The following MCTP1 variants were observed in gnomAD, a reference collection of about 807,000 sequenced individuals.
MCTP1 encodes multiple C2 and transmembrane domain-containing protein 1.
MCTP1 carries 69 observed loss-of-function variants against 120.6 expected under a neutral mutation model. The observed-to-expected ratio is 0.57, with a 90% CI of 0.47 to 0.70. The LOEUF (loss-of-function observed/expected upper bound fraction) is 0.70. MCTP1 is among the 30% of genes least tolerant of loss of function. The pLI is 0.00. For synonymous variants in MCTP1, 529 were observed against 493.1 expected, an observed-to-expected ratio of 1.07 and a Z score of -0.96; for missense variants, 1,203 against 1,248.8, an observed-to-expected ratio of 0.96 and a Z score of 0.55.
chr5:94,865,806 C>A (rs1383837511), intron 17 of MCTP1, among the ~76,000 whole-genome samples: 2 of 151,850 alleles, frequency 1.3e-5, no homozygotes, highest in African/African-American at 4.8e-5. Context: ...AGCTACTTAA[C>A]CTTTCTGTGC....
At chr5:94,857,977 C>T (rs901803664) in intron 17 of MCTP1, among the ~76,000 whole-genome samples, 2 of 151,586 alleles carry the variant, frequency 1.3e-5, no homozygotes, top group Non-Finnish European at 3.0e-5. Context: ...AGAAAGACAG[C>T]GATACAATGA....
chr5:94,931,371 T>G (rs2153479565), intron 6 of MCTP1: 1 of 152,250 alleles, frequency 6.6e-6, no homozygotes, highest in Admixed American at 6.5e-5. Flanking sequence ...AGTGGCAGCA[T>G]CACTGAACAA....
intron 17 of MCTP1, among the ~76,000 whole-genome samples, chr5:94,811,375 T>C (rs891882935): frequency 4.6e-5 from 7 of 152,212 alleles, no homozygotes; most frequent in Non-Finnish European, 8.8e-5. Flanking sequence ...TGTGTTTCAA[T>C]GGTAACAGAA....
chr5:94,954,035 A>AAT lies in MCTP1; in HGVS notation c.839-676_839-675dup, dbSNP rs68145010. 3.3e-4 allele frequency among the ~76,000 whole-genome samples: 17 copies of AAT among 51,140 alleles called. 2 individuals are homozygous for AAT. The South Asian group carries it at 7.5e-3, about 22-fold the overall frequency. 33.5% of individuals were successfully genotyped at this position (51,140 alleles called of 152,430 possible). On this transcript the variant is annotated intron_variant, in intron 2 of 22. Transcript: ENST00000515393. ...ACAAATATATATGCATATATATACA[A>AAT]ATATATATATGCATATATATACAAA...
At chr5:95,166,917 C>CTT (rs386404479) in intron 1 of MCTP1, among the ~76,000 whole-genome samples, 38,059 of 137,518 alleles carry the variant, frequency 0.28, 5,724 homozygotes, top group East Asian at 0.58. Flanking sequence ...CCTTTCTATT[C>CTT]TTTTTTTTTT....
intron 17 of MCTP1, chr5:94,825,834 T>C (rs560655367): frequency 8.8e-5 from 15 of 169,710 alleles, no homozygotes; most frequent in Non-Finnish European, 1.9e-4. Flanking sequence ...CTTACCATTA[T>C]GTAATGCCCT....
In MCTP1 at chr5:95,082,161, G is replaced by A. The variant is rs192095513; in HGVS notation, c.721-64677C>T. 2.8e-4 allele frequency among the ~76,000 whole-genome samples: 43 copies of A among 152,270 alleles called. No individual in the cohort carries two copies. The East Asian group carries it at 6.6e-3, about 23-fold the overall frequency. Reference sequence around the variant, plus strand: ...AAATAGATCTTCGTGCTTTGCTGTTGCTGTTTCCCACAGAAATCCTTTCCT... The same window carrying A: ...AAATAGATCTTCGTGCTTTGCTGTTACTGTTTCCCACAGAAATCCTTTCCT... On this transcript the variant is annotated intron_variant, in intron 1 of 22. Coordinates refer to ENST00000515393, the MANE Select transcript of MCTP1 (RefSeq NM_024717.7).
At chr5:95,254,853 T>G (rs985136059) in intron 1 of MCTP1, among the ~76,000 whole-genome samples, 1 of 152,210 alleles carries the variant, frequency 6.6e-6, no homozygotes, top group Non-Finnish European at 1.5e-5. Flanking sequence ...ATTGTTATAC[T>G]AATTTGTATA....
At chr5:94,777,154 T>C (rs974105017) in intron 19 of MCTP1, among the ~76,000 whole-genome samples, 1 of 152,194 alleles carries the variant, frequency 6.6e-6, no homozygotes, top group African/African-American at 2.4e-5. Context: ...CTTGTCGGCA[T>C]CCTGTACAGA....
intron 19 of MCTP1, among the ~76,000 whole-genome samples, chr5:94,768,695 C>T (rs1235764236): frequency 1.3e-5 from 2 of 152,050 alleles, no homozygotes; most frequent in South Asian, 2.1e-4. Context: ...AATATCATTC[C>T]ACCCAGTTAA....
At chr5:94,732,116 T>C (rs1416094815) in intron 19 of MCTP1, among the ~76,000 whole-genome samples, 1 of 152,212 alleles carries the variant, frequency 6.6e-6, no homozygotes, top group African/African-American at 2.4e-5. Context: ...TTAAGAAATA[T>C]TAAAAGACAG....
chr5:95,063,664 C>G (rs1289436739), intron 1 of MCTP1, among the ~76,000 whole-genome samples: 2 of 152,110 alleles, frequency 1.3e-5, no homozygotes, highest in African/African-American at 4.8e-5. Context: ...GGTGCATTCT[C>G]GGCTCACTGC....
In MCTP1 at chr5:94,870,451, T is replaced by C; in HGVS notation, c.2282A>G (p.Lys761Arg). ...GAGTCTGTTTTCCTCTTCAATGTAC[T>C]TCTGTTCTTTGGGTATTAATGTTCG... ...SLRTLIPKEQKYIEEENRLSK... is the reference protein window; with the variant it reads ...SLRTLIPKEQRYIEEENRLSK... Residue 761 changes from lysine to arginine, a missense_variant, in exon 16 of 23, where the codon AAG becomes AGG. Around this residue, in one of 2 missense-constraint regions of MCTP1, gnomAD observed 740 missense variants for 871.1 expected, o/e 0.85. Transcript: ENST00000515393. The C allele has an allele frequency of 6.2e-7, 1 of 1,612,320 alleles. No homozygotes were observed.
intron 17 of MCTP1, among the ~76,000 whole-genome samples, chr5:94,801,943 A>T (rs955140639): frequency 2.0e-5 from 3 of 152,236 alleles, no homozygotes; most frequent in Non-Finnish European, 4.4e-5. Context: ...AAATCAATAC[A>T]TCAATAACTT....
At chr5:95,154,345 C>G (rs2152462889) in intron 1 of MCTP1, 1 of 151,756 alleles carries the variant, frequency 6.6e-6, no homozygotes, top group East Asian at 1.9e-4. Context: ...TCTATGCCAA[C>G]AGAAACCTGA....
At chr5:94,846,660 T>A in intron 17 of MCTP1, among the ~76,000 whole-genome samples, 1 of 152,128 alleles carries the variant, frequency 6.6e-6, no homozygotes, top group African/African-American at 2.4e-5. Context: ...AAACGTTTTT[T>A]AAAAAAGAAT....
chr5:94,806,650 T>C (rs2153048297), intron 17 of MCTP1, among the ~76,000 whole-genome samples: 1 of 152,310 alleles, frequency 6.6e-6, no homozygotes, highest in East Asian at 1.9e-4. Context: ...AAAAAAATCA[T>C]TTAAGTTGGA....
rs1217235276 is a variant in MCTP1, at chr5:94,940,136, A to C, written c.1121T>G (p.Ile374Ser). Residue 374 changes from isoleucine (I) to serine (S), a missense_variant, in exon 5 of 23, where the codon ATC becomes AGC. Coordinates refer to ENST00000515393, the MANE Select transcript of MCTP1 (RefSeq NM_024717.7). ...GGTAAGGATGACTGAGAGCAAAATG[A>C]TTCCAAGATCATGGTCAGGATAATG... ...DPHYPDHDLG[I>S]ILLSVILTPK... The C allele has an allele frequency of 6.2e-7, 1 of 1,610,388 alleles. No individual in the cohort carries two copies. The highest frequency in any genetic ancestry group is 1.7e-5 in the Admixed American group (1 of 59,896).
At chr5:94,927,756 G>C (rs1188082991) in intron 6 of MCTP1, among the ~76,000 whole-genome samples, 7 of 152,104 alleles carry the variant, frequency 4.6e-5, no homozygotes, top group Non-Finnish European at 1.0e-4. Flanking sequence ...TGTCATCCAA[G>C]GTGTCAGGTT....
Sources: gnomAD v4.1 joint callset for allele counts (sites outside exome capture counted in the v4.1 genomes callset) on GRCh38, gnomAD v4.1.1 for gene constraint, gnomAD v4.1.1 regional missense constraint, MANE v1.5 for transcripts, NCBI Gene and HGNC (gene_info 2026-07-23, HGNC 2026-07-21) for gene names.